The following SLC44A1 variants were observed in gnomAD, a reference collection of about 807,000 sequenced individuals.
SLC44A1 encodes solute carrier family 44 member 1.
A neutral mutation model predicts 79.3 loss-of-function variants in SLC44A1; 26 were observed. The ratio of observed to expected loss-of-function variants is 0.33; its 90% confidence interval spans 0.24 to 0.46. The LOEUF is 0.46. SLC44A1 is among the 20% of genes least tolerant of loss of function. The pLI, the probability that SLC44A1 is intolerant of heterozygous loss-of-function variation, is 1.00. For missense variants in SLC44A1, 688 were observed against 798.1 expected (o/e 0.86, Z 1.66); for synonymous variants, 263 against 286.2 (o/e 0.92, Z 0.82).
At chr9:105,305,307 G>A (rs1322644993) in intron 2 of SLC44A1, among the ~76,000 whole-genome samples, 4 of 151,444 alleles carry the variant, frequency 2.6e-5, no homozygotes, top group African/African-American at 7.3e-5. Flanking sequence ...CTCATTCTTA[G>A]AGAGAGGCAT....
intron 1 of SLC44A1, among the ~76,000 whole-genome samples, chr9:105,266,612 C>T (rs1364233157): frequency 6.6e-6 from 1 of 152,034 alleles, no homozygotes; most frequent in Non-Finnish European, 1.5e-5. Context: ...AAATATCAAC[C>T]ATATATGTGT....
intron 4 of SLC44A1, among the ~76,000 whole-genome samples, chr9:105,339,186 A>G (rs1827013464): frequency 6.6e-6 from 1 of 152,220 alleles, no homozygotes; most frequent in South Asian, 2.1e-4. Flanking sequence ...TATAAATCAG[A>G]TATCTGGTAA....
chr9:105,291,729 G>A (rs1324588625), intron 1 of SLC44A1, among the ~76,000 whole-genome samples: 1 of 152,128 alleles, frequency 6.6e-6, no homozygotes, highest in African/African-American at 2.4e-5. Context: ...ATGGATCTGT[G>A]CTGCAAAGGT....
intron 1 of SLC44A1, among the ~76,000 whole-genome samples, chr9:105,282,195 T>C (rs980968703): frequency 1.9e-4 from 29 of 152,124 alleles, no homozygotes; most frequent in African/African-American, 6.3e-4. Context: ...TTTAGAGCAT[T>C]TACTTATTCA....
chr9:105,354,039 CTTTTTTTTTTTT>C (rs556502972), intron 5 of SLC44A1, among the ~76,000 whole-genome samples: 4 of 98,484 alleles, frequency 4.1e-5, no homozygotes, highest in South Asian at 3.2e-4. Flanking sequence ...ACAGTTAATC[CTTTTTTTTTTTT>C]TTTTTTTTTT....
chr9:105,359,510 TATA>T (rs1827720148), intron 7 of SLC44A1, among the ~76,000 whole-genome samples: 2 of 152,214 alleles, frequency 1.3e-5, no homozygotes, highest in African/African-American at 2.4e-5. Context: ...TGAATAGTGT[TATA>T]ATGATTAAAT....
intron 15 of SLC44A1, among the ~76,000 whole-genome samples, chr9:105,410,323 A>G (rs1282822787): frequency 6.6e-6 from 1 of 152,218 alleles, no homozygotes; most frequent in African/African-American, 2.4e-5. Context: ...ATATTTGCAA[A>G]TCATGTATCT....
chr9:105,256,217 G>T (rs769536638), intron 1 of SLC44A1, among the ~76,000 whole-genome samples: 2 of 151,966 alleles, frequency 1.3e-5, no homozygotes, highest in Non-Finnish European at 1.5e-5. Context: ...TTGCCATGTT[G>T]CCCAGGCTGG....
At chr9:105,385,300 C>T (rs1828596385) in intron 14 of SLC44A1, 122 bp from the exon 15 acceptor site, 1 of 674,074 alleles carries the variant, frequency 1.5e-6, no homozygotes, top group East Asian at 2.7e-5. Flanking sequence ...TTATTTATTG[C>T]TATGTTTTTA....
At chr9:105,246,411 CT>C (rs1324276862) in intron 1 of SLC44A1, among the ~76,000 whole-genome samples, 5 of 135,292 alleles carry the variant, frequency 3.7e-5, no homozygotes, top group Admixed American at 1.5e-4. Context: ...TACCCGTTAG[CT>C]TTTTTTTTTC....
intron 15 of SLC44A1, chr9:105,386,392 T>C (rs1828626554): frequency 2.0e-6 from 2 of 976,552 alleles, no homozygotes; most frequent in South Asian, 4.7e-5. Context: ...TTTTAAACAA[T>C]GTGTCCCCTG....
Position 105,362,077 on chromosome 9 carries a change from T to C in SLC44A1, c.901-744T>C, listed in dbSNP as rs757149281. Among the ~76,000 whole-genome samples the C allele has an allele frequency of 5.9e-4, 90 of 152,068 alleles. No individual in the cohort carries two copies. The Middle Eastern group carries it at 0.01, about 17-fold the overall frequency. ...GCGTGTGTGTGCGCGCGCGCGCGTG[T>C]GTGTGTGTGTGTGTGAGATTTGCTG... On this transcript the variant is annotated intron_variant, in intron 8 of 15. Coordinates refer to ENST00000374720, the MANE Select transcript of SLC44A1 (RefSeq NM_080546.5).
At chr9:105,306,238 T>G (rs1232080655) in intron 2 of SLC44A1, among the ~76,000 whole-genome samples, 1 of 152,194 alleles carries the variant, frequency 6.6e-6, no homozygotes, top group Non-Finnish European at 1.5e-5. Context: ...CCTTATGCCC[T>G]TATCATTTGC....
chr9:105,406,251 A>T (rs1462856013), intron 15 of SLC44A1, among the ~76,000 whole-genome samples: 1 of 152,176 alleles, frequency 6.6e-6, no homozygotes, highest in Non-Finnish European at 1.5e-5. Context: ...TCTCTACAAT[A>T]CATAGTTCAG....
intron 15 of SLC44A1, among the ~76,000 whole-genome samples, chr9:105,413,324 T>A (rs1265534282): frequency 6.6e-6 from 1 of 152,194 alleles, no homozygotes; most frequent in African/African-American, 2.4e-5. Context: ...CTTGAAGTGG[T>A]CGTATGACAT....
intron 15 of SLC44A1, among the ~76,000 whole-genome samples, chr9:105,387,921 A>G (rs2131475885): frequency 6.6e-6 from 1 of 152,266 alleles, no homozygotes; most frequent in African/African-American, 2.4e-5. Flanking sequence ...GTTGTTTCCT[A>G]TTAGTATTTT....
chr9:105,313,748 AATT>A (rs1302124109), intron 3 of SLC44A1, among the ~76,000 whole-genome samples: 2 of 151,988 alleles, frequency 1.3e-5, no homozygotes, highest in African/African-American at 4.8e-5. Context: ...TTAGATAAAA[AATT>A]ATTATCATTA....
At chr9:105,260,884 G>C (rs892715285) in intron 1 of SLC44A1, among the ~76,000 whole-genome samples, 4 of 152,128 alleles carry the variant, frequency 2.6e-5, no homozygotes, top group African/African-American at 9.7e-5. Flanking sequence ...TTTGGTTGGA[G>C]AAAGAATTGA....
intron 3 of SLC44A1, among the ~76,000 whole-genome samples, chr9:105,329,468 A>C (rs997619936): frequency 6.6e-6 from 1 of 152,162 alleles, no homozygotes; most frequent in Non-Finnish European, 1.5e-5. Flanking sequence ...GTCTTGTCAC[A>C]GAGTTGCCAT....
Sources: allele counts gnomAD v4.1 joint callset (sites outside exome capture counted in the v4.1 genomes callset), GRCh38; gene constraint gnomAD v4.1.1; transcripts MANE v1.5; gene names NCBI Gene and HGNC (gene_info 2026-07-23, HGNC 2026-07-21).